The following FARP1 variants were observed in gnomAD, a reference collection of about 807,000 sequenced individuals.
The protein encoded by FARP1 is FERM, ARHGEF and pleckstrin domain-containing protein 1.
Under a neutral mutation model 128.8 loss-of-function variants are expected in FARP1, and 52 were observed. The observed-to-expected ratio is 0.40, with a 90% confidence interval of 0.32 to 0.51. FARP1 has a LOEUF of 0.51. Among genes scored for constraint, FARP1 ranks in the 20% least tolerant of loss-of-function variants. The probability of loss-of-function intolerance (pLI) is 0.45; values close to 1 mark genes in which losing one functional copy is unlikely to be tolerated. For missense variants in FARP1, 1,333 were observed against 1,367.9 expected, an observed-to-expected ratio of 0.97 and a Z score of 0.40; for synonymous variants, 580 against 551.8, an observed-to-expected ratio of 1.05 and a Z score of -0.72.
intron 1 of FARP1, among the ~76,000 whole-genome samples, chr13:98,150,751 G>C (rs1264071961): frequency 1.3e-5 from 2 of 152,012 alleles, no homozygotes; most frequent in African/African-American, 4.8e-5. Flanking sequence ...AACTGAGTTG[G>C]AAAAAACCTA....
intron 2 of FARP1, among the ~76,000 whole-genome samples, chr13:98,294,064 G>A (rs1168312794): frequency 6.6e-6 from 1 of 152,114 alleles, no homozygotes; most frequent in African/African-American, 2.4e-5. Context: ...TATTTCCCTG[G>A]TATTTGATCA....
chr13:98,157,744 T>C (rs1876589887), intron 1 of FARP1, among the ~76,000 whole-genome samples: 1 of 152,246 alleles, frequency 6.6e-6, no homozygotes, highest in Non-Finnish European at 1.5e-5. Flanking sequence ...CAGGAAGTTT[T>C]TCCTCACTTA....
intron 1 of FARP1, among the ~76,000 whole-genome samples, chr13:98,147,007 C>T (rs1875617148): frequency 6.6e-6 from 1 of 152,174 alleles, no homozygotes; most frequent in African/African-American, 2.4e-5. Flanking sequence ...AAGATCAGAG[C>T]CAAACGGTTT....
intron 16 of FARP1, among the ~76,000 whole-genome samples, chr13:98,420,745 T>C (rs1289818500): frequency 1.3e-5 from 2 of 152,206 alleles, no homozygotes; most frequent in Admixed American, 1.3e-4. Flanking sequence ...ACCCCTTTCT[T>C]GTGAGGTTAA....
intron 2 of FARP1, among the ~76,000 whole-genome samples, chr13:98,309,622 T>TA (rs1201549427): frequency 1.3e-5 from 2 of 151,980 alleles, no homozygotes; most frequent in African/African-American, 2.4e-5. Context: ...CTTCCATGCT[T>TA]AAAAAATGCT....
At chr13:98,330,696 A>C (rs1887469391) in intron 2 of FARP1, among the ~76,000 whole-genome samples, 1 of 152,016 alleles carries the variant, frequency 6.6e-6, no homozygotes, top group South Asian at 2.1e-4. Context: ...CGGAGGTTGC[A>C]GTGCGCCAAG....
At chr13:98,392,250 C>T (rs1400731943) in intron 11 of FARP1, among the ~76,000 whole-genome samples, 10 of 147,898 alleles carry the variant, frequency 6.8e-5, no homozygotes, top group African/African-American at 1.8e-4. Flanking sequence ...TTTGGGATGC[C>T]GAAGTGGGTG....
intron 2 of FARP1, among the ~76,000 whole-genome samples, chr13:98,320,709 T>C (rs1886952539): frequency 6.6e-6 from 1 of 152,212 alleles, no homozygotes; most frequent in African/African-American, 2.4e-5. Context: ...AACAATGGTA[T>C]CTTCAACAGT....
intron 3 of FARP1, among the ~76,000 whole-genome samples, chr13:98,354,067 C>A (rs1888546834): frequency 6.6e-6 from 1 of 152,196 alleles, no homozygotes; most frequent in African/African-American, 2.4e-5. Flanking sequence ...CCCTCCAAGT[C>A]CAGGCTCCCT....
intron 1 of FARP1, among the ~76,000 whole-genome samples, chr13:98,159,179 C>A (rs578138126): frequency 1.7e-4 from 26 of 152,252 alleles, no homozygotes; most frequent in African/African-American, 6.3e-4. Context: ...TTCCCACGGC[C>A]AGTTTTGTGC....
intron 18 of FARP1, chr13:98,431,819 G>C (rs1327852052): frequency 6.6e-6 from 1 of 152,248 alleles, no homozygotes; most frequent in Non-Finnish European, 1.5e-5. Flanking sequence ...TTCTTCCTTT[G>C]CCTCTTGCAT....
chr13:98,230,019 G>A (rs961038533), intron 2 of FARP1, among the ~76,000 whole-genome samples: 5 of 152,320 alleles, frequency 3.3e-5, no homozygotes, highest in African/African-American at 1.2e-4. Context: ...ACATTTCCTA[G>A]CAGGCAGCCT....
At chr13:98,163,140 C>A (rs1877002257) in intron 1 of FARP1, among the ~76,000 whole-genome samples, 1 of 152,066 alleles carries the variant, frequency 6.6e-6, no homozygotes, top group South Asian at 2.1e-4. Context: ...ACTATGCAAC[C>A]ATAAAAAAGA....
rs142264894 is a variant in FARP1 at position 98,431,277 on chromosome 13, C to T, written c.2140C>T (p.Arg714Ter). Residue 714 changes from arginine (R) to a stop codon, truncating the protein, a stop_gained, in exon 18 of 27, where the codon CGA becomes TGA. Transcript: ENST00000319562. LOFTEE classifies it high-confidence loss of function. The part of the protein sequence containing the change: ...PPSHADFRDC[R>*]AALAEITEMV... The stretch of plus-strand genomic sequence containing the variant: ...GAGCCACGCCGACTTCAGGGACTGC[C>T]GAGGTGAGTGCTGGGAGCCTGCGCC... 8 of 1,583,014 alleles carry T rather than the reference C, an allele frequency of 5.1e-6. No individual in the cohort carries two copies. Among genetic ancestry groups the T allele is most frequent in the African/African-American group, 2.7e-5 (2 of 74,420 alleles).
At chr13:98,364,037 G>T (rs1048576749) in intron 3 of FARP1, among the ~76,000 whole-genome samples, 1 of 152,174 alleles carries the variant, frequency 6.6e-6, no homozygotes, top group Non-Finnish European at 1.5e-5. Flanking sequence ...ACCGCACCTG[G>T]CCTGTCTTTC....
rs1893153841 is a variant in FARP1, at chr13:98,450,832, G to C, written c.*2515G>C. 1 of 152,248 alleles carries C rather than the reference G, an allele frequency of 6.6e-6. No homozygotes were observed. Among genetic ancestry groups the C allele is most frequent in the South Asian group, 2.1e-4 (1 of 4,832 alleles). The allele number at this position is 152,248 out of a possible 1,614,324, so 9.4% of individuals were successfully genotyped here. The stretch of plus-strand genomic sequence containing the variant: ...GGCGACACAAAAGCCAGCTTCCTTG[G>C]CTAAGATGCCCTTAAAAACATTGGG... On this transcript the variant is annotated 3_prime_UTR_variant, in exon 27 of 27. Transcript: ENST00000319562.
chr13:98,153,287 AATATATATAAATATAT>A (rs763866981), intron 1 of FARP1, among the ~76,000 whole-genome samples: 34,402 of 73,564 alleles, frequency 0.47, 5,426 homozygotes, highest in East Asian at 0.65. Flanking sequence ...ATATATATAA[AATATATATAAATATAT>A]TTATATATAA....
At chr13:98,429,207 G>A (rs1481455356) in intron 17 of FARP1, among the ~76,000 whole-genome samples, 1 of 152,230 alleles carries the variant, frequency 6.6e-6, no homozygotes, top group Non-Finnish European at 1.5e-5. Context: ...GGAGGATGCA[G>A]GAGTACAGAG....
In FARP1 at chr13:98,440,698, C is replaced by T. The variant is rs144654880; in HGVS notation, c.2658C>T (p.Asp886=). The part of the protein sequence containing the change: ...NKSPDEATAA[D]QESEDDLSAS... ...CCCCTGATGAAGCCACCGCGGCTGA[C>T]CAGGAGTCAGAGGATGACCTGAGCG... The change falls in exon 24 of 27, where the codon GAC becomes GAT. Residue 886 remains aspartate, a synonymous_variant. Coordinates refer to ENST00000319562, the MANE Select transcript of FARP1 (RefSeq NM_005766.4). 11 of 1,613,348 alleles carry T rather than the reference C, an allele frequency of 6.8e-6. No homozygotes were observed. The African/African-American group carries it at 1.1e-4, about 16-fold the overall frequency.
Sources: gnomAD v4.1 joint callset for allele counts (sites outside exome capture counted in the v4.1 genomes callset) on GRCh38, gnomAD v4.1.1 for gene constraint, MANE v1.5 for transcripts, NCBI Gene and HGNC (gene_info 2026-07-23, HGNC 2026-07-21) for gene names.